HINT3: variants seen among roughly 807,000 people sequenced by gnomAD.
HINT3 encodes adenosine 5'-monophosphoramidase HINT3.
HINT3 carries 16 observed loss-of-function variants against 19.1 expected under a neutral mutation model. That is an observed-to-expected ratio of 0.84 (90% CI 0.57 to 1.27). The LOEUF (loss-of-function observed/expected upper bound fraction) is 1.27, where lower values mean the gene tolerates loss of function less well. HINT3 is among the 50% of genes most tolerant of loss of function. The pLI is 0.00. For missense variants in HINT3, 197 were observed against 225.8 expected, an observed-to-expected ratio of 0.87 and a Z score of 0.82; for synonymous variants, 75 against 84.8, an observed-to-expected ratio of 0.88 and a Z score of 0.63.
At position 125,956,952 on chromosome 6, in the gene HINT3, G is replaced by T. The variant is rs1421552077; in HGVS notation, c.-26G>T. On this transcript the variant is annotated 5_prime_UTR_variant, in exon 1 of 5. Transcript: ENST00000229633. ...GCCCGGTAGCCCTGGAGAGGCCGAG[G>T]CTCTAGGCCGCGAGGGGCGGGTGCA... 1 of 1,547,348 alleles carries T rather than the reference G, an allele frequency of 6.5e-7. No individual in the cohort carries two copies. The highest frequency in any genetic ancestry group is 2.0e-5 in the Admixed American group (1 of 50,934).
chr6:125,979,650 A>C lies in HINT3; in HGVS notation c.*1974A>C, dbSNP rs1313489000. On this transcript the variant is annotated 3_prime_UTR_variant, in exon 5 of 5. Coordinates refer to ENST00000229633, the MANE Select transcript of HINT3 (RefSeq NM_138571.5). ...ATGCCTGTAGTCCCAGCTACTGGGG[A>C]GGCTGAGGCAAGAGAATTGCTTGAA... 1 of 152,258 alleles carries C rather than the reference A, an allele frequency of 6.6e-6. No homozygotes were observed. Among genetic ancestry groups the C allele is most frequent in the Non-Finnish European group, 1.5e-5 (1 of 68,098 alleles). The allele number at this position is 152,258 out of a possible 1,614,324, so 9.4% of individuals were successfully genotyped here.
intron 2 of HINT3, among the ~76,000 whole-genome samples, chr6:125,969,114 C>T (rs1789060820): frequency 6.6e-6 from 1 of 152,060 alleles, no homozygotes; most frequent in African/African-American, 2.4e-5. Flanking sequence ...CCTAGGGTTT[C>T]CTCTAGGATT....
chr6:125,960,666 A>G (rs73590234), intron 1 of HINT3, among the ~76,000 whole-genome samples: 6,288 of 42,828 alleles, frequency 0.15, 536 homozygotes, highest in Middle Eastern at 0.3. Context: ...GGGGGGGGGG[A>G]AAAAAAAAGA....
At chr6:125,963,391 A>G (rs1224509293) in intron 1 of HINT3, among the ~76,000 whole-genome samples, 1 of 152,248 alleles carries the variant, frequency 6.6e-6, no homozygotes, top group African/African-American at 2.4e-5. Flanking sequence ...GGCAAGATCT[A>G]AATTCCCTCT....
chr6:125,974,399 G>GA (rs148287713), intron 3 of HINT3, among the ~76,000 whole-genome samples: 3,130 of 152,258 alleles, frequency 0.021, 95 homozygotes, highest in African/African-American at 0.071. Flanking sequence ...GGTTTGGTGG[G>GA]AAATGTCTGA....
intron 2 of HINT3, among the ~76,000 whole-genome samples, chr6:125,968,067 A>G (rs1223902268): frequency 6.6e-6 from 1 of 152,224 alleles, no homozygotes; most frequent in Admixed American, 6.5e-5. Context: ...TTACGTGGGT[A>G]TATTGTGTGG....
chr6:125,975,749 T>C (rs1789171037), intron 4 of HINT3, among the ~76,000 whole-genome samples: 1 of 152,172 alleles, frequency 6.6e-6, no homozygotes, highest in African/African-American at 2.4e-5. Context: ...AGCTAATTTT[T>C]GTATTTTTAT....
At chr6:125,962,013 AAAG>A (rs1184621803) in intron 1 of HINT3, among the ~76,000 whole-genome samples, 1 of 151,500 alleles carries the variant, frequency 6.6e-6, no homozygotes, top group East Asian at 1.9e-4. Flanking sequence ...GGGGAGGGCA[AAAG>A]AAGGGCAGAG....
intron 1 of HINT3, among the ~76,000 whole-genome samples, chr6:125,962,223 TATATATATATACAC>T (rs1288727803): frequency 0.019 from 778 of 41,106 alleles, 74 homozygotes; most frequent in East Asian, 0.11. Flanking sequence ...CATATATATA[TATATATATATACAC>T]ATATATATAT....
chr6:125,962,191 T>TATATATATATATATATATACAC (rs1212100021), intron 1 of HINT3, among the ~76,000 whole-genome samples: 1 of 35,744 alleles, frequency 2.8e-5, no homozygotes, highest in Non-Finnish European at 4.6e-5. Context: ...TATATACACA[T>TATATATATATATATATATACAC]ATATATATAT....
At chr6:125,971,876 AT>A (rs1254435150) in intron 2 of HINT3, among the ~76,000 whole-genome samples, 2 of 151,044 alleles carry the variant, frequency 1.3e-5, no homozygotes, top group Non-Finnish European at 3.0e-5. Context: ...CGCCCGGCTA[AT>A]TTTTTTTGTA....
intron 1 of HINT3, among the ~76,000 whole-genome samples, chr6:125,958,690 G>C (rs1788874716): frequency 6.6e-6 from 1 of 152,146 alleles, no homozygotes; most frequent in Non-Finnish European, 1.5e-5. Context: ...CCCTCCCAGG[G>C]TACATTTTGC....
intron 1 of HINT3, among the ~76,000 whole-genome samples, chr6:125,959,248 G>T (rs1463430424): frequency 6.6e-6 from 1 of 152,188 alleles, no homozygotes; most frequent in East Asian, 1.9e-4. Flanking sequence ...GATCACCCAT[G>T]AGGTAAAAAG....
chr6:125,969,985 C>T (rs753753651), intron 2 of HINT3, among the ~76,000 whole-genome samples: 1 of 152,042 alleles, frequency 6.6e-6, no homozygotes, highest in Non-Finnish European at 1.5e-5. Context: ...CTTTCTCTTG[C>T]CTGATTGCTC....
rs1196573788 is a variant in HINT3 at position 125,957,166 on chromosome 6, C to T, written c.189C>T (p.Leu63=). The change falls in exon 1 of 5, where the codon CTC becomes CTT. Residue 63 remains leucine, a synonymous_variant. Coordinates refer to ENST00000229633, the MANE Select transcript of HINT3 (RefSeq NM_138571.5). The part of the protein sequence containing the change: ...IAGRQDPGTE[L]LHCENEDLIC... ...GGCGGCAGGACCCGGGCACCGAACT[C>T]CTGCACTGCGAGGTGGGCGGCGACG... 4.5e-6 allele frequency: 7 copies of T among 1,546,280 alleles called. No individual in the cohort carries two copies. Among genetic ancestry groups the T allele is most frequent in the Non-Finnish European group, 6.1e-6 (7 of 1,144,066 alleles).
At chr6:125,975,816 T>A (rs780660762) in intron 4 of HINT3, among the ~76,000 whole-genome samples, 8 of 152,182 alleles carry the variant, frequency 5.3e-5, no homozygotes, top group Admixed American at 1.3e-4. Context: ...GACCTCATGA[T>A]CCACCCGCCT....
At chr6:125,959,877 A>G (rs1035774580) in intron 1 of HINT3, among the ~76,000 whole-genome samples, 2 of 152,246 alleles carry the variant, frequency 1.3e-5, no homozygotes, top group Non-Finnish European at 2.9e-5. Flanking sequence ...ATGGGGATAC[A>G]GCCGTAAACA....
At chr6:125,977,476 AATAATTAT>A (rs1789195304) in intron 4 of HINT3, among the ~76,000 whole-genome samples, 160 bp from the exon 5 acceptor site, 1 of 152,194 alleles carries the variant, frequency 6.6e-6, no homozygotes, top group African/African-American at 2.4e-5. Context: ...TACAATGTAG[AATAATTAT>A]ATATAGATAT....
At chr6:125,960,996 G>C (rs542454667) in intron 1 of HINT3, among the ~76,000 whole-genome samples, 1 of 152,252 alleles carries the variant, frequency 6.6e-6, no homozygotes, top group South Asian at 2.1e-4. Context: ...ATAGAAAATA[G>C]ATACTAGTAG....
Sources: allele counts gnomAD v4.1 joint callset (sites outside exome capture counted in the v4.1 genomes callset), GRCh38; gene constraint gnomAD v4.1.1; transcripts MANE v1.5; gene names NCBI Gene and HGNC (gene_info 2026-07-23, HGNC 2026-07-21).